MCPH1: variants seen among roughly 807,000 people sequenced by gnomAD.
MCPH1 encodes microcephalin.
Under a neutral mutation model 84.5 loss-of-function variants are expected in MCPH1, and 104 were observed. The observed-to-expected ratio is 1.23, with a 90% CI of 1.05 to 1.45. The LOEUF is 1.45. MCPH1 is among the 40% of genes most tolerant of loss of function. The pLI, the probability that MCPH1 is intolerant of heterozygous loss-of-function variation, is 0.00. For missense variants in MCPH1, 1,498 were observed against 1,005.7 expected, an observed-to-expected ratio of 1.49 and a Z score of -6.62; for synonymous variants, 514 against 366.8, an observed-to-expected ratio of 1.40 and a Z score of -4.58.
At chr8:6,503,037 T>G in intron 12 of MCPH1, 1 of 1,591,518 alleles carries the variant, frequency 6.3e-7, no homozygotes, top group South Asian at 1.1e-5. Flanking sequence ...GCCGTGACTT[T>G]CAGTGCACTG....
At chr8:6,456,989 A>C (rs80183577) in intron 9 of MCPH1, among the ~76,000 whole-genome samples, 1 of 152,158 alleles carries the variant, frequency 6.6e-6, no homozygotes, top group African/African-American at 2.4e-5. Context: ...CTGTAGATCA[A>C]ATAGTAAGTG....
rs573972354 is a variant in MCPH1 at position 6,535,787 on chromosome 8, C to G, written c.2214+35858C>G. ...TTTGAGCCAGTCGTGATGGCTCATG[C>G]CTGTAATCCCAGCACTTTGGGAGGC... On this transcript the variant is annotated intron_variant, in intron 12 of 13. Transcript: ENST00000344683. 4.0e-4 allele frequency among the ~76,000 whole-genome samples: 61 copies of G among 152,200 alleles called. 1 individual carries two copies. Among genetic ancestry groups the G allele is most frequent in the South Asian group, 3.7e-3 (18 of 4,818 alleles).
At chr8:6,470,030 C>T (rs111296453) in intron 9 of MCPH1, among the ~76,000 whole-genome samples, 1 of 152,172 alleles carries the variant, frequency 6.6e-6, no homozygotes, top group Non-Finnish European at 1.5e-5. Context: ...AAGAATCCTG[C>T]ATGTTTTTTT....
chr8:6,455,892 G>T (rs1264274075), intron 9 of MCPH1, among the ~76,000 whole-genome samples: 1 of 152,250 alleles, frequency 6.6e-6, no homozygotes, highest in Middle Eastern at 3.4e-3. Flanking sequence ...CCTGAATTCA[G>T]AATGGTAGGG....
At chr8:6,617,768 C>G (rs527350114) in intron 12 of MCPH1, among the ~76,000 whole-genome samples, 165 of 152,234 alleles carry the variant, frequency 1.1e-3, no homozygotes, top group African/African-American at 3.9e-3. Context: ...CCTCAACTTC[C>G]TGGGCTCAAG....
In MCPH1 at chr8:6,643,040, G is replaced by T. The variant is rs34009706; in HGVS notation, c.2499G>T (p.Leu833Phe). Reference protein sequence around the residue: ...HKVCAPENYLLSQ With the variant: ...HKVCAPENYLFSQ The stretch of plus-strand genomic sequence containing the variant: ...TCTGTGCCCCTGAAAACTACCTATT[G>T]TCACAATGACAGTGACCTCACTGGC... Residue 833 changes from leucine (L) to phenylalanine (F), a missense_variant, in exon 14 of 14, where the codon TTG (leucine) becomes TTT (phenylalanine). Physicochemically the swap from Leu to Phe is conservative, Grantham distance 22. Transcript: ENST00000344683. The T allele has an allele frequency of 2.5e-4, 401 of 1,613,930 alleles. 1 individual carries two copies. Among genetic ancestry groups the T allele is most frequent in the Non-Finnish European group, 3.0e-4 (353 of 1,179,880 alleles).
intron 3 of MCPH1, among the ~76,000 whole-genome samples, chr8:6,423,107 C>A (rs1800481227): frequency 6.6e-6 from 1 of 151,406 alleles, no homozygotes; most frequent in Admixed American, 6.6e-5. Context: ...AGGTAAGAGC[C>A]ACCGTGCCTG....
intron 12 of MCPH1, among the ~76,000 whole-genome samples, chr8:6,547,356 T>C (rs1293626800): frequency 6.6e-6 from 1 of 152,078 alleles, no homozygotes; most frequent in African/African-American, 2.4e-5. Flanking sequence ...CCCCCTCTCT[T>C]TAACCCTCTT....
At chr8:6,461,883 T>C (rs957144016) in intron 9 of MCPH1, among the ~76,000 whole-genome samples, 4 of 152,260 alleles carry the variant, frequency 2.6e-5, no homozygotes, top group East Asian at 1.9e-4. Flanking sequence ...AATTTTTTTT[T>C]CTCCAAGTAT....
chr8:6,522,026 G>T (rs374468091), intron 12 of MCPH1, among the ~76,000 whole-genome samples: 1 of 152,286 alleles, frequency 6.6e-6, no homozygotes, highest in African/African-American at 2.4e-5. Context: ...TATCACCTAG[G>T]TCATGGGGTT....
intron 12 of MCPH1, chr8:6,527,576 T>A (rs1818569585): frequency 1.9e-6 from 3 of 1,613,992 alleles, no homozygotes; most frequent in Non-Finnish European, 2.5e-6. Context: ...TTGCAATTTG[T>A]TTATTTCACT....
At chr8:6,641,688 G>C (rs1171642354) in intron 13 of MCPH1, among the ~76,000 whole-genome samples, 1 of 152,196 alleles carries the variant, frequency 6.6e-6, no homozygotes, top group African/African-American at 2.4e-5. Context: ...AGGCTGCAGT[G>C]AGTCATGTTT....
intron 12 of MCPH1, among the ~76,000 whole-genome samples, chr8:6,592,066 T>C (rs1017599524): frequency 1.3e-5 from 2 of 152,204 alleles, no homozygotes; most frequent in African/African-American, 4.8e-5. Context: ...CCTATATTCA[T>C]GAAAGCAAAT....
At chr8:6,519,722 G>T in intron 12 of MCPH1, 1 of 1,006,428 alleles carries the variant, frequency 9.9e-7, no homozygotes, top group Non-Finnish European at 1.4e-6. Flanking sequence ...CTCTAGGCGA[G>T]GTAGCTGCCC....
intron 1 of MCPH1, among the ~76,000 whole-genome samples, chr8:6,408,821 C>A (rs564550689): frequency 6.6e-6 from 1 of 152,264 alleles, no homozygotes; most frequent in Non-Finnish European, 1.5e-5. Flanking sequence ...CCTTGGCCTT[C>A]CAGAGTGCTG....
rs1829159783 is a variant in MCPH1 at position 6,599,066 on chromosome 8, G to T, written c.2215-22388G>T. Among the ~76,000 whole-genome samples the T allele has an allele frequency of 2.0e-5, 3 of 152,312 alleles. No individual in the cohort carries two copies. The South Asian group carries it at 6.2e-4, about 32-fold the overall frequency. On this transcript the variant is annotated intron_variant, in intron 12 of 13. Transcript: ENST00000344683. ...CGAATACGGGGCTCTTAAAAGTCCT[G>T]ATAAAAGTGAAAATCCGAGGCGCGC...
At chr8:6,530,822 GA>G (rs1819362497) in intron 12 of MCPH1, among the ~76,000 whole-genome samples, 2 of 152,092 alleles carry the variant, frequency 1.3e-5, no homozygotes, top group Non-Finnish European at 2.9e-5. Context: ...CCATTTTTAG[GA>G]AGACAATGAA....
chr8:6,579,395 T>C (rs1158197177), intron 12 of MCPH1, among the ~76,000 whole-genome samples: 2 of 152,208 alleles, frequency 1.3e-5, no homozygotes, highest in East Asian at 3.8e-4. Context: ...TGGTCAGCCC[T>C]CCGCTCGGTC....
At chr8:6,570,293 G>C (rs1430523986) in intron 12 of MCPH1, among the ~76,000 whole-genome samples, 1 of 152,194 alleles carries the variant, frequency 6.6e-6, no homozygotes, top group Non-Finnish European at 1.5e-5. Flanking sequence ...GATATATTTA[G>C]AGTACAAGTT....
Sources: allele counts gnomAD v4.1 joint callset (sites outside exome capture counted in the v4.1 genomes callset), GRCh38; gene constraint gnomAD v4.1.1; transcripts MANE v1.5; gene names NCBI Gene and HGNC (gene_info 2026-07-23, HGNC 2026-07-21).